The following ZFAND4 variants were observed in gnomAD, a reference collection of about 807,000 sequenced individuals.
ZFAND4 encodes AN1-type zinc finger protein 4.
A neutral mutation model predicts 64.4 loss-of-function variants in ZFAND4; 43 were observed. That is an observed-to-expected ratio of 0.67 (90% CI 0.52 to 0.86). ZFAND4 has a LOEUF of 0.86. Among genes scored for constraint, ZFAND4 ranks in the 40% least tolerant of loss-of-function variants. The pLI is 0.00. For missense variants in ZFAND4, 929 were observed against 859.8 expected (o/e 1.08, Z -1.01); for synonymous variants, 296 against 305.7 (o/e 0.97, Z 0.33).
At chr10:45,622,276 A>C (rs761517978) in intron 8 of ZFAND4, among the ~76,000 whole-genome samples, 34 of 152,362 alleles carry the variant, frequency 2.2e-4, no homozygotes, top group Non-Finnish European at 3.8e-4. Flanking sequence ...AAAGTTAATA[A>C]GAAAATGGGA....
At chr10:45,661,154 C>T (rs999355251) in intron 2 of ZFAND4, among the ~76,000 whole-genome samples, 1 of 152,126 alleles carries the variant, frequency 6.6e-6, no homozygotes, top group African/African-American at 2.4e-5. Flanking sequence ...CTAAGCACTT[C>T]ACCTTTAACT....
intron 5 of ZFAND4, among the ~76,000 whole-genome samples, chr10:45,643,188 G>A (rs943531030): frequency 6.6e-5 from 10 of 150,952 alleles, no homozygotes; most frequent in African/African-American, 2.4e-4. Context: ...CCAAAGTGCT[G>A]GGATTACAGG....
At position 45,659,898 on chromosome 10, in the gene ZFAND4, C is replaced by T. The variant is rs2048352740; in HGVS notation, c.184+3644G>A. ...GAAGTTTGAAAAATGGCAACAGAGG[C>T]CGGGCGCGGTGGCTCACGCCTGGAA... On this transcript the variant is annotated intron_variant, in intron 2 of 9. Transcript: ENST00000344646. Among the ~76,000 whole-genome samples the T allele has an allele frequency of 2.6e-5, 4 of 152,130 alleles. No individual in the cohort carries two copies. The South Asian group carries it at 8.3e-4, about 32-fold the overall frequency.
chr10:45,669,880 T>C (rs2133887589), intron 1 of ZFAND4, among the ~76,000 whole-genome samples: 1 of 152,320 alleles, frequency 6.6e-6, no homozygotes, highest in East Asian at 1.9e-4. Flanking sequence ...GGAACGTATC[T>C]CAAAATAATA....
rs558972186 is a variant in ZFAND4 at position 45,658,983 on chromosome 10, T to C, written c.184+4559A>G. Among the ~76,000 whole-genome samples, 5 of 152,322 alleles carry C rather than the reference T, an allele frequency of 3.3e-5. No individual in the cohort carries two copies. In the East Asian group the frequency reaches 5.8e-4, roughly 18 times the overall value. On this transcript the variant is annotated intron_variant, in intron 2 of 9. Transcript: ENST00000344646. ...ATCACCATAAGAAAATCTGTTGAGA[T>C]AGGCAAACCCAGAGAGTCAGAGCCA...
In ZFAND4 at chr10:45,663,813, A is replaced by C; in HGVS notation, c.-88T>G. On this transcript the variant is annotated 5_prime_UTR_variant, in exon 2 of 10. Coordinates refer to ENST00000344646, the MANE Select transcript of ZFAND4 (RefSeq NM_174890.4). ...AACCAGGTTTGAAGATTGGTAATAT[A>C]TATTGTTGTTCATGTTTTGAGTTTT... The C allele has an allele frequency of 8.8e-7, 1 of 1,133,006 alleles. No homozygotes were observed. The highest frequency in any genetic ancestry group is 1.8e-5 in the South Asian group (1 of 56,200). 70.2% of individuals were successfully genotyped at this position (1,133,006 alleles called of 1,614,324 possible).
At chr10:45,633,530 A>G (rs1197141584) in intron 6 of ZFAND4, among the ~76,000 whole-genome samples, 1 of 152,040 alleles carries the variant, frequency 6.6e-6, no homozygotes, top group Non-Finnish European at 1.5e-5. Flanking sequence ...CCCACCTCTA[A>G]AAACAAGAAA....
intron 2 of ZFAND4, among the ~76,000 whole-genome samples, chr10:45,656,418 C>T (rs2048107079): frequency 6.7e-6 from 1 of 148,202 alleles, no homozygotes; most frequent in South Asian, 2.1e-4. Context: ...ATGGTGAAAC[C>T]CTGTCTCTGA....
At chr10:45,643,219 C>T (rs1356421407) in intron 5 of ZFAND4, among the ~76,000 whole-genome samples, 1 of 151,544 alleles carries the variant, frequency 6.6e-6, no homozygotes, top group African/African-American at 2.4e-5. Context: ...CACGCCCGGC[C>T]TCAAATCTTT....
chr10:45,663,688 T>C lies in ZFAND4; in HGVS notation c.38A>G (p.Asp13Gly), dbSNP rs561427287. The C allele has an allele frequency of 1.9e-6, 3 of 1,605,294 alleles. No homozygotes were observed. The highest frequency in any genetic ancestry group is 2.5e-6 in the Non-Finnish European group (3 of 1,178,124). ...NRKEPPFFND[D>G]NMGPFYYRLH... ...TCTGTAGTAAAATGGTCCCATGTTA[T>C]CATCATTGAAGAATGGAGGCTCTTT... Residue 13 changes from aspartate (D) to glycine (G), a missense_variant, in exon 2 of 10, where the codon GAT becomes GGT. Coordinates refer to ENST00000344646, the MANE Select transcript of ZFAND4 (RefSeq NM_174890.4).
intron 8 of ZFAND4, among the ~76,000 whole-genome samples, chr10:45,622,052 G>A (rs557155227): frequency 2.6e-5 from 4 of 152,212 alleles, no homozygotes; most frequent in Non-Finnish European, 2.9e-5. Context: ...TCAGTTGTGC[G>A]TTAGGGCAGG....
At chr10:45,639,584 T>A (rs1009234403) in intron 6 of ZFAND4, 1 of 306,622 alleles carries the variant, frequency 3.3e-6, no homozygotes, top group Non-Finnish European at 5.8e-6. Flanking sequence ...TTATCCTTCT[T>A]AGACCCAGAA....
At chr10:45,619,697 C>CT (rs748659092) in intron 8 of ZFAND4, among the ~76,000 whole-genome samples, 1,596 of 145,468 alleles carry the variant, frequency 0.011, 16 homozygotes, top group African/African-American at 0.019. Context: ...GGTTCTATGT[C>CT]TTTTTTTTTT....
chr10:45,655,298 C>T (rs1412997532), intron 2 of ZFAND4, among the ~76,000 whole-genome samples: 3 of 152,096 alleles, frequency 2.0e-5, no homozygotes, highest in Admixed American at 1.3e-4. Context: ...AAAATTCTTC[C>T]AAAGGAATGA....
chr10:45,619,952 T>G (rs898798194), intron 8 of ZFAND4, among the ~76,000 whole-genome samples: 1 of 152,186 alleles, frequency 6.6e-6, no homozygotes, highest in African/African-American at 2.4e-5. Flanking sequence ...AAAGTATTTT[T>G]AAAAAGATAT....
intron 6 of ZFAND4, among the ~76,000 whole-genome samples, chr10:45,630,338 A>G (rs1334356581): frequency 6.6e-6 from 1 of 152,168 alleles, no homozygotes; most frequent in Non-Finnish European, 1.5e-5. Flanking sequence ...CAAACCCAGA[A>G]ATACTCTGCA....
At chr10:45,664,469 A>G (rs1002711307) in intron 1 of ZFAND4, among the ~76,000 whole-genome samples, 1 of 151,640 alleles carries the variant, frequency 6.6e-6, no homozygotes, top group African/African-American at 2.4e-5. Context: ...GGGTTTCACC[A>G]CGTTGGCCAG....
Position 45,626,062 on chromosome 10 carries a change from C to T in ZFAND4, c.1761G>A (p.Gly587=). ...TSRNRLQSTR[G]AGRLQNSGTG... is the part of the protein sequence containing the mutation. ...TTCCAGAGTTCTGAAGCCTGCCTGCCCCACGTGTGCTCTGTAATCTATTTC... is the reference window on the plus strand; with the variant it reads ...TTCCAGAGTTCTGAAGCCTGCCTGCTCCACGTGTGCTCTGTAATCTATTTC... The change falls in exon 7 of 10, where the codon GGG becomes GGA. Residue 587 remains glycine, a synonymous_variant. Coordinates refer to ENST00000344646, the MANE Select transcript of ZFAND4 (RefSeq NM_174890.4). 2 of 1,614,064 alleles carry T rather than the reference C, an allele frequency of 1.2e-6. No individual in the cohort carries two copies. The highest frequency in any genetic ancestry group is 2.2e-5 in the South Asian group (2 of 91,078).
chr10:45,648,918 A>G, intron 4 of ZFAND4: 1 of 980,750 alleles, frequency 1.0e-6, no homozygotes, highest in East Asian at 1.1e-4. Flanking sequence ...ATATTTTCAA[A>G]TATTGGTTCC....
Sources: allele counts gnomAD v4.1 joint callset (sites outside exome capture counted in the v4.1 genomes callset), GRCh38; gene constraint gnomAD v4.1.1; transcripts MANE v1.5; gene names NCBI Gene and HGNC (gene_info 2026-07-23, HGNC 2026-07-21).